The following DIS3L2 variants were observed in gnomAD, a reference collection of about 807,000 sequenced individuals.
DIS3L2 encodes DIS3-like exonuclease 2.
A neutral mutation model predicts 97.5 loss-of-function variants in DIS3L2; 34 were observed. That is an observed-to-expected ratio of 0.35 (90% CI 0.27 to 0.46). The LOEUF is 0.46. DIS3L2 is among the 20% of genes least tolerant of loss of function. DIS3L2 has a pLI of 1.00. For missense variants in DIS3L2, 1,038 were observed against 1,146.0 expected (o/e 0.91, Z 1.36); for synonymous variants, 435 against 445.2 (o/e 0.98, Z 0.29).
intron 5 of DIS3L2, among the ~76,000 whole-genome samples, chr2:232,086,599 ATATG>A (rs1428043817): frequency 1.6e-5 from 2 of 121,636 alleles, no homozygotes; most frequent in African/African-American, 3.2e-5. Flanking sequence ...ATATATATAT[ATATG>A]TGTGTGTGTG....
At chr2:232,182,107 T>G (rs531429979) in intron 9 of DIS3L2, among the ~76,000 whole-genome samples, 1 of 152,348 alleles carries the variant, frequency 6.6e-6, no homozygotes, top group South Asian at 2.1e-4. Flanking sequence ...TTTAGCTACA[T>G]CCCATAAATT....
chr2:232,059,895 A>G (rs935630082), intron 5 of DIS3L2, among the ~76,000 whole-genome samples: 3 of 151,944 alleles, frequency 2.0e-5, no homozygotes, highest in African/African-American at 2.4e-5. Context: ...TGGACTGGGC[A>G]CCTAGGTTGA....
intron 13 of DIS3L2, among the ~76,000 whole-genome samples, chr2:232,282,423 C>G (rs183676720): frequency 4.6e-5 from 7 of 152,292 alleles, no homozygotes; most frequent in African/African-American, 1.7e-4. Context: ...CTGGTTTTGT[C>G]CCATTTTCAA....
intron 13 of DIS3L2, among the ~76,000 whole-genome samples, chr2:232,286,068 G>C (rs996583241): frequency 1.3e-5 from 2 of 152,212 alleles, no homozygotes; most frequent in Non-Finnish European, 2.9e-5. Context: ...ACAGGCTGGG[G>C]TGGCCTCTTC....
chr2:232,223,034 A>C (rs777200609), intron 10 of DIS3L2, among the ~76,000 whole-genome samples: 11 of 152,128 alleles, frequency 7.2e-5, no homozygotes, highest in Non-Finnish European at 1.3e-4. Context: ...GGGCTTTGGA[A>C]ATTCTCTTTT....
intron 1 of DIS3L2, among the ~76,000 whole-genome samples, chr2:232,001,779 G>A (rs1305630936): frequency 7.0e-6 from 1 of 142,364 alleles, no homozygotes; most frequent in Non-Finnish European, 1.5e-5. Context: ...GGAGTGCAGT[G>A]GCCCAGTCTT....
intron 13 of DIS3L2, among the ~76,000 whole-genome samples, chr2:232,275,673 A>C (rs1694121961): frequency 6.6e-6 from 1 of 152,228 alleles, no homozygotes; most frequent in Admixed American, 6.5e-5. Context: ...TTAATTTTAT[A>C]ACTTTAAAAT....
At chr2:232,243,727 A>G (rs766283369) in intron 11 of DIS3L2, among the ~76,000 whole-genome samples, 9 of 152,256 alleles carry the variant, frequency 5.9e-5, no homozygotes, top group Non-Finnish European at 1.3e-4. Flanking sequence ...TCACACAAGA[A>G]GAAGTAGGGA....
Position 232,281,117 on chromosome 2 carries a change from T to C in DIS3L2, c.1659+17677T>C, listed in dbSNP as rs1694274384. Among the ~76,000 whole-genome samples the C allele has an allele frequency of 6.6e-6, 1 of 152,076 alleles. No individual in the cohort carries two copies. Among genetic ancestry groups the C allele is most frequent in the South Asian group, 2.1e-4 (1 of 4,830 alleles). ...GCTCTGCCTTGAAATATGAGTGTTT[T>C]CGGCTGGGCACGGTGGCTCACACCT... On this transcript the variant is annotated intron_variant, in intron 13 of 20. Coordinates refer to ENST00000325385, the MANE Select transcript of DIS3L2 (RefSeq NM_152383.5). This position sits in a 1 kb window ranked among gnomAD's most constrained non-coding sequence, Gnocchi z 4.1.
At chr2:232,229,888 A>G (rs1464997379) in intron 10 of DIS3L2, among the ~76,000 whole-genome samples, 1 of 152,188 alleles carries the variant, frequency 6.6e-6, no homozygotes, top group Non-Finnish European at 1.5e-5. Context: ...GGAAAAAAGA[A>G]GAAGAAAATC....
At position 232,067,141 on chromosome 2, in the gene DIS3L2, C is replaced by A. The variant is rs142269835; in HGVS notation, c.367-20346C>A. Among the ~76,000 whole-genome samples, 322 of 151,956 alleles carry A rather than the reference C, an allele frequency of 2.1e-3. 1 individual carries two copies. Among genetic ancestry groups the A allele is most frequent in the Non-Finnish European group, 3.2e-3 (214 of 67,918 alleles). On this transcript the variant is annotated intron_variant, in intron 5 of 20. Coordinates refer to ENST00000325385, the MANE Select transcript of DIS3L2 (RefSeq NM_152383.5). The stretch of plus-strand genomic sequence containing the variant: ...TGATTTTCTATTTCATTGATTTTCT[C>A]TCTTAAATTTACTGTATCTTTCCTT...
At chr2:232,163,082 A>G (rs1690700344) in intron 8 of DIS3L2, among the ~76,000 whole-genome samples, 1 of 152,222 alleles carries the variant, frequency 6.6e-6, no homozygotes, top group Non-Finnish European at 1.5e-5. Context: ...GAATTAATCT[A>G]GTAAGCATGA....
intron 9 of DIS3L2, among the ~76,000 whole-genome samples, chr2:232,195,067 A>G (rs2106200317): frequency 1.3e-5 from 2 of 152,352 alleles, no homozygotes; most frequent in South Asian, 4.1e-4. Context: ...GCTCTGAATG[A>G]TACAACAGAG....
chr2:231,981,710 T>G (rs1458824773), intron 1 of DIS3L2, among the ~76,000 whole-genome samples: 3 of 148,524 alleles, frequency 2.0e-5, no homozygotes, highest in East Asian at 2.0e-4. Flanking sequence ...AATTAAGTGC[T>G]TATTAAGTGT....
rs938952402 is a variant in DIS3L2, at chr2:232,027,536, T to C, written c.265-2443T>C. 2.0e-5 allele frequency among the ~76,000 whole-genome samples: 3 copies of C among 152,180 alleles called. No individual in the cohort carries two copies. In the South Asian group the frequency reaches 6.2e-4, roughly 32 times the overall value. ...TCTAAAGTTTTTAGAGAGACAAAAA[T>C]AGAGATTTGTTTAAACTATTTAGGT... On this transcript the variant is annotated intron_variant, in intron 4 of 20. Coordinates refer to ENST00000325385, the MANE Select transcript of DIS3L2 (RefSeq NM_152383.5).
chr2:232,230,565 A>G (rs1033389510), intron 10 of DIS3L2, among the ~76,000 whole-genome samples: 3 of 152,158 alleles, frequency 2.0e-5, no homozygotes, highest in Non-Finnish European at 2.9e-5. Flanking sequence ...GAGGGACAGG[A>G]AGTCCAACAT....
intron 11 of DIS3L2, among the ~76,000 whole-genome samples, chr2:232,244,510 A>G (rs149330383): frequency 6.6e-6 from 1 of 152,358 alleles, no homozygotes; most frequent in South Asian, 2.1e-4. Flanking sequence ...TGGGACATCC[A>G]GTTCATGGTA....
intron 1 of DIS3L2, among the ~76,000 whole-genome samples, chr2:231,973,706 A>C (rs895708118): frequency 1.2e-4 from 19 of 152,250 alleles, no homozygotes; most frequent in Admixed American, 1.1e-3. Context: ...GCTTTAAATC[A>C]TTGGTGATTA....
intron 1 of DIS3L2, among the ~76,000 whole-genome samples, chr2:231,965,339 A>G (rs1279334113): frequency 7.9e-5 from 12 of 152,294 alleles, no homozygotes; most frequent in South Asian, 2.1e-4. Flanking sequence ...ACCAGTAGGT[A>G]TGCTTTACAT....
Sources: allele counts gnomAD v4.1 joint callset (sites outside exome capture counted in the v4.1 genomes callset), GRCh38; gene constraint gnomAD v4.1.1; non-coding constraint Gnocchi (gnomAD v3.1); transcripts MANE v1.5; gene names NCBI Gene and HGNC (gene_info 2026-07-23, HGNC 2026-07-21).